PCDH7: variants seen among roughly 807,000 people sequenced by gnomAD.
PCDH7 encodes protocadherin 7.
PCDH7 carries 17 observed loss-of-function variants against 58.9 expected under a neutral mutation model. The observed-to-expected ratio is 0.29, with a 90% confidence interval of 0.20 to 0.43. PCDH7 has a LOEUF of 0.43. Ranked by LOEUF, PCDH7 falls within the 20% of genes least tolerant of loss-of-function variation. PCDH7 has a pLI of 1.00. For missense variants in PCDH7, 1,274 were observed against 1,441.0 expected (o/e 0.88, Z 1.88); for synonymous variants, 664 against 616.4 (o/e 1.08, Z -1.14).
intron 3 of PCDH7, among the ~76,000 whole-genome samples, chr4:31,095,460 T>A (rs1200169866): frequency 6.6e-6 from 1 of 152,200 alleles, no homozygotes; most frequent in Non-Finnish European, 1.5e-5. Context: ...ATCTAGTTTC[T>A]TATCAGACAT....
At chr4:30,755,818 C>A (rs932634914) in intron 1 of PCDH7, among the ~76,000 whole-genome samples, 7 of 152,058 alleles carry the variant, frequency 4.6e-5, no homozygotes, top group African/African-American at 1.7e-4. Context: ...CGGTGGCTCA[C>A]ACCTGTAATC....
rs1322951537 is a variant in PCDH7 at position 30,722,787 on chromosome 4, C to T, written c.1365C>T (p.Asn455=). 1.2e-6 allele frequency: 2 copies of T among 1,613,494 alleles called. No individual in the cohort carries two copies. The highest frequency in any genetic ancestry group is 1.7e-5 in the Admixed American group (1 of 60,004). ...TGTCCGACCGAGACCAAGGCGAGAA[C>T]GGGGTGGTCACCTGCACCGTGGTGG... The change falls in exon 1 of 2, where the codon AAC becomes AAT. Residue 455 remains asparagine, a synonymous_variant. Transcript: ENST00000361762. The surrounding 1 kb of genome is among the most constrained non-coding windows in gnomAD (Gnocchi z 7.6).
intron 1 of PCDH7, among the ~76,000 whole-genome samples, chr4:30,759,995 G>A (rs1719815369): frequency 1.3e-5 from 2 of 151,942 alleles, no homozygotes; most frequent in African/African-American, 4.8e-5. Context: ...CAAAATAGTG[G>A]CACCTCCTCT....
At position 31,032,668 on chromosome 4, in the gene PCDH7, A is replaced by AAGGAAGGCAGGGAGGG. The variant is rs1181076977; in HGVS notation, c.*7+82456_*7+82457insAAGGCAGGGAGGGAGG. 7.0e-5 allele frequency among the ~76,000 whole-genome samples: 5 copies of AAGGAAGGCAGGGAGGG among 71,174 alleles called. No individual in the cohort carries two copies. In the South Asian group the frequency reaches 2.4e-3, roughly 34 times the overall value. 46.7% of individuals were successfully genotyped at this position (71,174 alleles called of 152,430 possible). On this transcript the variant is annotated intron_variant, in intron 3 of 3. Coordinates refer to the PCDH7 transcript ENST00000509759. ...ACAGAGAGAGAGAGAGGAAGGAAGG[A>AAGGAAGGCAGGGAGGG]AGGGAGGGAGGGAGGGAGGGAGGGA... is the stretch of plus-strand genomic sequence containing the variant.
At chr4:30,802,694 G>A (rs1017922640) in intron 1 of PCDH7, among the ~76,000 whole-genome samples, 1 of 152,114 alleles carries the variant, frequency 6.6e-6, no homozygotes, top group East Asian at 1.9e-4. Flanking sequence ...GGGAAATCAT[G>A]TGTTGAGGTT....
At chr4:30,848,409 G>C (rs1044032046) in intron 1 of PCDH7, among the ~76,000 whole-genome samples, 6 of 152,192 alleles carry the variant, frequency 3.9e-5, no homozygotes, top group African/African-American at 1.4e-4. Flanking sequence ...CTGGCATACA[G>C]CATGGCATAC....
At chr4:30,989,088 G>A (rs2109120819) in intron 3 of PCDH7, among the ~76,000 whole-genome samples, 1 of 152,144 alleles carries the variant, frequency 6.6e-6, no homozygotes, top group South Asian at 2.1e-4. Context: ...AATGTTTTAT[G>A]TGAAGACAAG....
intron 3 of PCDH7, among the ~76,000 whole-genome samples, chr4:31,110,114 A>G (rs1032219696): frequency 6.6e-6 from 1 of 152,182 alleles, no homozygotes; most frequent in Non-Finnish European, 1.5e-5. Context: ...TATTTCACTT[A>G]ATTCTTACAC....
intron 3 of PCDH7, among the ~76,000 whole-genome samples, chr4:31,042,726 G>A (rs1332333006): frequency 9.9e-5 from 15 of 152,126 alleles, no homozygotes; most frequent in Admixed American, 9.8e-4. Context: ...ATGATCAGTG[G>A]TGGATAACAT....
At chr4:30,796,451 C>G (rs745440273) in intron 1 of PCDH7, among the ~76,000 whole-genome samples, 42 of 152,112 alleles carry the variant, frequency 2.8e-4, no homozygotes, top group Non-Finnish European at 5.9e-5. Context: ...TTCTCTCTTT[C>G]TATGTACTGC....
chr4:30,840,746 TCA>T (rs1731103213), intron 1 of PCDH7, among the ~76,000 whole-genome samples: 1 of 152,100 alleles, frequency 6.6e-6, no homozygotes, highest in South Asian at 2.1e-4. Flanking sequence ...CAAACCAAAG[TCA>T]TTACAAAAGC....
chr4:30,929,428 A>G lies in PCDH7; in HGVS notation c.287+9059A>G, dbSNP rs537225910. Among the ~76,000 whole-genome samples the G allele has an allele frequency of 3.9e-5, 6 of 152,320 alleles. No homozygotes were observed. In the South Asian group the frequency reaches 6.2e-4, roughly 16 times the overall value. On this transcript the variant is annotated intron_variant, in intron 2 of 3. Coordinates refer to the PCDH7 transcript ENST00000509759. Reference sequence around the variant, plus strand: ...AGATTTTTTGGCATTAAGTCTCATTATCATGTATGTCTTCTCATTATTGTC... The same window carrying G: ...AGATTTTTTGGCATTAAGTCTCATTGTCATGTATGTCTTCTCATTATTGTC...
intron 3 of PCDH7, among the ~76,000 whole-genome samples, chr4:31,065,025 AAG>A (rs1757970820): frequency 6.6e-6 from 1 of 151,998 alleles, no homozygotes; most frequent in African/African-American, 2.4e-5. Flanking sequence ...AAAAAAGTTA[AAG>A]AGTTTTAATT....
intron 3 of PCDH7, among the ~76,000 whole-genome samples, chr4:31,008,911 A>G (rs1157392159): frequency 6.6e-6 from 1 of 152,122 alleles, no homozygotes; most frequent in Admixed American, 6.6e-5. Flanking sequence ...TTGCAGAGTT[A>G]TGTAATTTTA....
chr4:30,818,688 T>C (rs927837817), intron 1 of PCDH7, among the ~76,000 whole-genome samples: 1 of 152,178 alleles, frequency 6.6e-6, no homozygotes, highest in Non-Finnish European at 1.5e-5. Context: ...GGCACTGTTT[T>C]TCCAATATAT....
At chr4:31,042,566 C>G (rs759747165) in intron 3 of PCDH7, among the ~76,000 whole-genome samples, 2 of 151,998 alleles carry the variant, frequency 1.3e-5, no homozygotes, top group African/African-American at 4.8e-5. Flanking sequence ...TAACTCCTAA[C>G]TTAGTTTCTT....
At chr4:30,884,898 G>A (rs983603313) in intron 1 of PCDH7, 2 of 152,182 alleles carry the variant, frequency 1.3e-5, no homozygotes, top group Admixed American at 6.6e-5. Flanking sequence ...AATATCTTTA[G>A]TTGTAGGGTA....
chr4:30,835,410 T>A (rs1730365737), intron 1 of PCDH7, among the ~76,000 whole-genome samples: 1 of 152,104 alleles, frequency 6.6e-6, no homozygotes, highest in Admixed American at 6.5e-5. Context: ...GGTGGCATGG[T>A]CTTTCTGAGA....
At chr4:30,724,132 T>C in exon 1 of PCDH7, 9 of 1,613,956 alleles carry the variant, frequency 5.6e-6, no homozygotes, top group Non-Finnish European at 7.6e-6. Context: ...GGCAAGGTAC[T>C]GCAGGTCCAA....
Sources: gnomAD v4.1 joint callset for allele counts (sites outside exome capture counted in the v4.1 genomes callset) on GRCh38, gnomAD v4.1.1 for gene constraint, Gnocchi (gnomAD v3.1) non-coding constraint, MANE v1.5 for transcripts, NCBI Gene and HGNC (gene_info 2026-07-23, HGNC 2026-07-21) for gene names.